Variants in LRP1B observed in about 807,000 individuals in gnomAD.
LRP1B encodes LDL receptor related protein 1B.
LRP1B carries 217 observed loss-of-function variants against 556.6 expected under a neutral mutation model. That is an observed-to-expected ratio of 0.39 (90% CI 0.35 to 0.44). The LOEUF is 0.44. LRP1B is among the 20% of genes least tolerant of loss of function. The pLI is 1.00. For synonymous variants in LRP1B, 2,047 were observed against 1,865.8 expected (o/e 1.10, Z -2.50); for missense variants, 5,053 against 5,620.8 (o/e 0.90, Z 3.23).
chr2:141,280,080 C>A (rs1384701299), intron 3 of LRP1B, among the ~76,000 whole-genome samples: 2 of 151,988 alleles, frequency 1.3e-5, no homozygotes, highest in Non-Finnish European at 2.9e-5. Context: ...TAATTATGGT[C>A]AATTTTAGAG....
intron 1 of LRP1B, among the ~76,000 whole-genome samples, chr2:141,884,576 T>G (rs1322050223): frequency 6.6e-6 from 1 of 152,172 alleles, no homozygotes; most frequent in Non-Finnish European, 1.5e-5. Flanking sequence ...TGCCATACAT[T>G]ATATTAGAAA....
At chr2:141,537,870 T>C (rs1222762629) in intron 2 of LRP1B, among the ~76,000 whole-genome samples, 2 of 152,086 alleles carry the variant, frequency 1.3e-5, no homozygotes, top group Admixed American at 6.6e-5. Context: ...TATAAATATA[T>C]ACCTTTTCAG....
At chr2:140,625,447 C>T (rs1683621963) in intron 41 of LRP1B, among the ~76,000 whole-genome samples, 1 of 152,028 alleles carries the variant, frequency 6.6e-6, no homozygotes. Context: ...GAAGATAAGC[C>T]ACAAACTAAT....
chr2:140,304,117 C>A (rs545994185), intron 83 of LRP1B, among the ~76,000 whole-genome samples: 5 of 152,178 alleles, frequency 3.3e-5, no homozygotes, highest in Non-Finnish European at 7.3e-5. Context: ...CCGTAATAAA[C>A]GTACGTGTCC....
chr2:141,853,385 C>T (rs1012547031), intron 1 of LRP1B, among the ~76,000 whole-genome samples: 1 of 151,680 alleles, frequency 6.6e-6, no homozygotes, highest in Non-Finnish European at 1.5e-5. Flanking sequence ...AATACTCAAT[C>T]TCAATTGTGC....
chr2:140,691,188 T>C (rs10928066), intron 41 of LRP1B, among the ~76,000 whole-genome samples: 77,479 of 151,948 alleles, frequency 0.51, 20,899 homozygotes, highest in Middle Eastern at 0.65. Context: ...AAGTGAAATA[T>C]TGGCAGGGCG....
At chr2:141,742,376 C>G (rs1408470998) in intron 2 of LRP1B, among the ~76,000 whole-genome samples, 1 of 151,706 alleles carries the variant, frequency 6.6e-6, no homozygotes, top group Non-Finnish European at 1.5e-5. Context: ...CTCAGCCTCT[C>G]GAGTAGCTGG....
At chr2:140,268,249 T>G in intron 86 of LRP1B, among the ~76,000 whole-genome samples, 1 of 151,974 alleles carries the variant, frequency 6.6e-6, no homozygotes, top group East Asian at 1.9e-4. Flanking sequence ...TCTTCATTCT[T>G]TTCTCTGGTT....
At chr2:140,909,414 A>G (rs1015982264) in intron 21 of LRP1B, among the ~76,000 whole-genome samples, 7 of 151,972 alleles carry the variant, frequency 4.6e-5, no homozygotes, top group Non-Finnish European at 4.4e-5. Flanking sequence ...TGTTTTATTT[A>G]TAAAAATATA....
intron 86 of LRP1B, among the ~76,000 whole-genome samples, chr2:140,248,978 G>T (rs899208777): frequency 6.7e-6 from 1 of 150,340 alleles, no homozygotes; most frequent in South Asian, 2.1e-4. Flanking sequence ...AAGTCTACAT[G>T]TGTGCAATTA....
intron 43 of LRP1B, among the ~76,000 whole-genome samples, chr2:140,549,997 TC>T (rs1680487355): frequency 6.6e-6 from 1 of 151,946 alleles, no homozygotes; most frequent in Non-Finnish European, 1.5e-5. Context: ...CCTAACACTC[TC>T]CCTCCCCTAG....
chr2:141,626,051 T>C (rs1259558433), intron 2 of LRP1B, among the ~76,000 whole-genome samples: 1 of 152,102 alleles, frequency 6.6e-6, no homozygotes. Context: ...TTAGGGGTTA[T>C]AGACATACAG....
In LRP1B at chr2:140,994,151, C is replaced by T. The variant is rs1697172949; in HGVS notation, c.2504-16G>A. The T allele has an allele frequency of 6.2e-7, 1 of 1,609,094 alleles. No homozygotes were observed. The highest frequency in any genetic ancestry group is 1.7e-5 in the Admixed American group (1 of 59,654). On this transcript the variant is annotated splice_polypyrimidine_tract_variant and intron_variant, in intron 15 of 90. Transcript: ENST00000389484. ...CCAGGATTAACTAGAGTTAAAAAAA[C>T]CCAAGGTATATGAATAATGCTAGCT...
intron 41 of LRP1B, among the ~76,000 whole-genome samples, chr2:140,638,521 T>C (rs1432356003): frequency 6.6e-6 from 1 of 152,150 alleles, no homozygotes; most frequent in Non-Finnish European, 1.5e-5. Context: ...GAAAATATGA[T>C]ATTCCTAGCA....
At chr2:141,272,119 T>C (rs1201421202) in intron 3 of LRP1B, among the ~76,000 whole-genome samples, 1 of 152,048 alleles carries the variant, frequency 6.6e-6, no homozygotes, top group Admixed American at 6.5e-5. Flanking sequence ...AAGTAACAAT[T>C]ATAGCTATGT....
chr2:140,777,335 T>C (rs1689533331), intron 32 of LRP1B, among the ~76,000 whole-genome samples: 1 of 152,218 alleles, frequency 6.6e-6, no homozygotes, highest in Non-Finnish European at 1.5e-5. Context: ...CCACAGCTCT[T>C]TTCTAAGATA....
At chr2:140,240,834 T>C (rs1680917491) in intron 87 of LRP1B, among the ~76,000 whole-genome samples, 1 of 150,932 alleles carries the variant, frequency 6.6e-6, no homozygotes, top group Non-Finnish European at 1.5e-5. Context: ...AGTATCAAGG[T>C]AGAAATTAAT....
intron 1 of LRP1B, among the ~76,000 whole-genome samples, chr2:142,101,905 G>T (rs1057475245): frequency 2.2e-4 from 33 of 151,942 alleles, no homozygotes; most frequent in Admixed American, 6.6e-5. Context: ...ACCATTACTT[G>T]AACAAGCTTT....
intron 7 of LRP1B, among the ~76,000 whole-genome samples, chr2:141,109,854 C>T (rs1394779194): frequency 6.6e-6 from 1 of 152,118 alleles, no homozygotes; most frequent in Non-Finnish European, 1.5e-5. Context: ...TTGATAGTGG[C>T]TGAGGGCCTT....
Sources: allele counts gnomAD v4.1 joint callset (sites outside exome capture counted in the v4.1 genomes callset), GRCh38; gene constraint gnomAD v4.1.1; transcripts MANE v1.5; gene names NCBI Gene and HGNC (gene_info 2026-07-23, HGNC 2026-07-21).